SLC7A7: variants seen among roughly 807,000 people sequenced by gnomAD.
SLC7A7 encodes Y+L amino acid transporter 1.
Under a neutral mutation model 47.9 loss-of-function variants are expected in SLC7A7, and 39 were observed. That is an observed-to-expected ratio of 0.81 (90% CI 0.63 to 1.06). The LOEUF (loss-of-function observed/expected upper bound fraction) is 1.06, where lower values mean the gene tolerates loss of function less well. Ranked by LOEUF, SLC7A7 falls within the 50% of genes least tolerant of loss-of-function variation. The probability of loss-of-function intolerance (pLI) is 0.00; values close to 1 mark genes in which losing one functional copy is unlikely to be tolerated. For synonymous variants in SLC7A7, 234 were observed against 242.8 expected (o/e 0.96, Z 0.34); for missense variants, 588 against 632.0 (o/e 0.93, Z 0.75).
intron 2 of SLC7A7, among the ~76,000 whole-genome samples, chr14:22,785,269 C>T (rs1234274933): frequency 6.6e-6 from 1 of 152,096 alleles, no homozygotes; most frequent in Non-Finnish European, 1.5e-5. Context: ...CACAGTGAGA[C>T]TCCATCTCAA....
At chr14:22,800,857 T>G (rs1382383322) in intron 2 of SLC7A7, among the ~76,000 whole-genome samples, 1 of 151,862 alleles carries the variant, frequency 6.6e-6, no homozygotes, top group Admixed American at 6.6e-5. Context: ...GAGAATTGCT[T>G]GAATCTGAGA....
At chr14:22,813,595 A>G (rs1011195215) in intron 1 of SLC7A7, among the ~76,000 whole-genome samples, 155 bp from the exon 2 acceptor site, 3 of 151,954 alleles carry the variant, frequency 2.0e-5, no homozygotes, top group African/African-American at 7.3e-5. Context: ...AACAACCCCA[A>G]CTTGAATATT....
At chr14:22,811,934 G>C (rs1298400662) in intron 2 of SLC7A7, among the ~76,000 whole-genome samples, 1 of 150,910 alleles carries the variant, frequency 6.6e-6, no homozygotes, top group Non-Finnish European at 1.5e-5. Context: ...TTATCTGTAA[G>C]ACTGAGAAAC....
intron 2 of SLC7A7, among the ~76,000 whole-genome samples, chr14:22,784,880 C>A (rs2038786171): frequency 6.6e-6 from 1 of 152,176 alleles, no homozygotes; most frequent in African/African-American, 2.4e-5. Flanking sequence ...GAACATTAAA[C>A]CCACAATTCT....
chr14:22,802,830 A>G (rs748567700), intron 2 of SLC7A7, among the ~76,000 whole-genome samples: 4 of 152,056 alleles, frequency 2.6e-5, no homozygotes, highest in Non-Finnish European at 5.9e-5. Flanking sequence ...CCCTACAAAG[A>G]TATACCTTGT....
At chr14:22,777,838 C>G (rs535536182) in intron 4 of SLC7A7, among the ~76,000 whole-genome samples, 1 of 152,320 alleles carries the variant, frequency 6.6e-6, no homozygotes, top group South Asian at 2.1e-4. Flanking sequence ...CTTTGGGAGG[C>G]TAAGGCGGGC....
rs755492313 is a variant in SLC7A7 at position 22,773,443 on chromosome 14, CAAAT to C, written c.*163_*166del. The C allele has an allele frequency of 3.8e-5, 27 of 711,868 alleles. No individual in the cohort carries two copies. The highest frequency in any genetic ancestry group is 8.1e-5 in the East Asian group (3 of 36,830). 44.1% of individuals were successfully genotyped at this position (711,868 alleles called of 1,614,324 possible). On this transcript the variant is annotated 3_prime_UTR_variant, in exon 10 of 10. Coordinates refer to ENST00000674313, the MANE Select transcript of SLC7A7 (RefSeq NM_003982.4). Reference sequence around the variant, plus strand: ...AAGTCTGGAACAGTATGTAGCAAAACAAATAAATTACTTTTCATTTCAAAAAGTA... The same window carrying C: ...AAGTCTGGAACAGTATGTAGCAAAACAAATTACTTTTCATTTCAAAAAGTA...
intron 2 of SLC7A7, among the ~76,000 whole-genome samples, chr14:22,781,387 C>G (rs1233340277): frequency 6.6e-6 from 1 of 152,106 alleles, no homozygotes; most frequent in Non-Finnish European, 1.5e-5. Flanking sequence ...TCTTCTCTCT[C>G]TCACCCTCCC....
At chr14:22,792,078 A>G (rs1454519465) in intron 2 of SLC7A7, among the ~76,000 whole-genome samples, 1 of 151,444 alleles carries the variant, frequency 6.6e-6, no homozygotes, top group Non-Finnish European at 1.5e-5. Context: ...CCCGTGATCC[A>G]CCCGCCTTGG....
At chr14:22,794,779 G>A (rs2038982041) in intron 2 of SLC7A7, among the ~76,000 whole-genome samples, 1 of 152,150 alleles carries the variant, frequency 6.6e-6, no homozygotes, top group Admixed American at 6.6e-5. Flanking sequence ...CACTTGACGA[G>A]CTTTAACAGT....
intron 4 of SLC7A7, among the ~76,000 whole-genome samples, chr14:22,778,486 A>G (rs545067543): frequency 6.6e-6 from 1 of 152,364 alleles, no homozygotes; most frequent in South Asian, 2.1e-4. Context: ...AATATCTATC[A>G]AGGAAAATCT....
At chr14:22,814,442 C>T (rs868664929) in intron 1 of SLC7A7, among the ~76,000 whole-genome samples, 1 of 151,812 alleles carries the variant, frequency 6.6e-6, no homozygotes, top group South Asian at 2.1e-4. Context: ...TAAGACTGGG[C>T]CATTGCACTC....
chr14:22,797,039 C>T (rs2139430198), intron 2 of SLC7A7, among the ~76,000 whole-genome samples: 1 of 152,330 alleles, frequency 6.6e-6, no homozygotes, highest in East Asian at 1.9e-4. Flanking sequence ...TGTGCCAGGT[C>T]ACTATGTACT....
chr14:22,813,415 C>T lies in SLC7A7; in HGVS notation c.-17G>A, dbSNP rs1164686281. The T allele has an allele frequency of 2.5e-6, 4 of 1,608,132 alleles. No individual in the cohort carries two copies. The Admixed American group carries it at 6.7e-5, about 27-fold the overall frequency. On this transcript the variant is annotated 5_prime_UTR_variant, in exon 2 of 10. Transcript: ENST00000674313. Reference sequence around the variant, plus strand: ...GTCAACCATGGTGGAGGAGAGGAAACCCTTCACCAGCTTCCTGGCATTGCC... The same window carrying T: ...GTCAACCATGGTGGAGGAGAGGAAATCCTTCACCAGCTTCCTGGCATTGCC...
At chr14:22,795,434 CTTTCTTTCTTTT>C (rs2039002699) in intron 2 of SLC7A7, among the ~76,000 whole-genome samples, 2 of 120,414 alleles carry the variant, frequency 1.7e-5, no homozygotes, top group African/African-American at 6.6e-5. Context: ...TTCTTTCTTT[CTTTCTTTCTTTT>C]CTATTCTTTT....
At chr14:22,801,042 T>C (rs2039104515) in intron 2 of SLC7A7, among the ~76,000 whole-genome samples, 1 of 152,162 alleles carries the variant, frequency 6.6e-6, no homozygotes, top group Admixed American at 6.6e-5. Flanking sequence ...GACCCTGACC[T>C]AGAACTGTCC....
intron 1 of SLC7A7, among the ~76,000 whole-genome samples, chr14:22,814,174 G>A (rs952795068): frequency 2.6e-5 from 4 of 151,748 alleles, no homozygotes; most frequent in East Asian, 2.0e-4. Flanking sequence ...CTGCCCACCC[G>A]ACTCACCAAA....
Position 22,780,064 on chromosome 14 carries a change from T to C in SLC7A7, c.500-13A>G, listed in dbSNP as rs2038691139. 6.2e-7 allele frequency: 1 copy of C among 1,613,580 alleles called. No homozygotes were observed. The highest frequency in any genetic ancestry group is 1.1e-5 in the South Asian group (1 of 91,070). ...AAGGTTAAGAGACCTGAAAGAAAAA[T>C]AATACTGATTGGTGACTTACCCTTA... On this transcript the variant is annotated splice_polypyrimidine_tract_variant and intron_variant, in intron 2 of 9. Transcript: ENST00000674313.
chr14:22,792,867 A>AAGAAAG (rs1555323603), intron 2 of SLC7A7, among the ~76,000 whole-genome samples: 4 of 122,466 alleles, frequency 3.3e-5, no homozygotes, highest in Admixed American at 9.0e-5. Context: ...CAAAGAAAGA[A>AAGAAAG]AGAGAGAGAG....
Sources: allele counts gnomAD v4.1 joint callset (sites outside exome capture counted in the v4.1 genomes callset), GRCh38; gene constraint gnomAD v4.1.1; transcripts MANE v1.5; gene names NCBI Gene and HGNC (gene_info 2026-07-23, HGNC 2026-07-21).